The following MYCBP2 variants were observed in gnomAD, a reference collection of about 807,000 sequenced individuals.
MYCBP2 encodes the protein E3 ubiquitin-protein ligase MYCBP2.
Under a neutral mutation model 525.3 loss-of-function variants are expected in MYCBP2, and 120 were observed. The ratio of observed to expected loss-of-function variants is 0.23; its 90% CI spans 0.20 to 0.27. The LOEUF (loss-of-function observed/expected upper bound fraction) is 0.27, where lower values mean the gene tolerates loss of function less well. MYCBP2 is among the 10% of genes least tolerant of loss of function. The pLI is 1.00. For synonymous variants in MYCBP2, 1,894 were observed against 1,955.8 expected, an observed-to-expected ratio of 0.97 and a Z score of 0.83; for missense variants, 4,149 against 5,657.1, an observed-to-expected ratio of 0.73 and a Z score of 8.55.
intron 5 of MYCBP2, among the ~76,000 whole-genome samples, chr13:77,273,046 A>G (rs2075092627): frequency 6.6e-6 from 1 of 152,234 alleles, no homozygotes. Context: ...GAATCAATTC[A>G]TAAAAAAATC....
intron 63 of MYCBP2, 168 bp downstream of exon 63, chr13:77,082,864 A>G: frequency 1.9e-6 from 1 of 534,128 alleles, no homozygotes; most frequent in Non-Finnish European, 3.1e-6. Flanking sequence ...GTTAACTAAG[A>G]GGAAGGACCA....
intron 3 of MYCBP2, among the ~76,000 whole-genome samples, chr13:77,282,522 G>GT (rs1195774512): frequency 6.6e-6 from 1 of 152,046 alleles, no homozygotes; most frequent in Non-Finnish European, 1.5e-5. Flanking sequence ...ACACTCAGAG[G>GT]AAGAGAACTT....
At chr13:77,222,892 A>G (rs896156015) in intron 20 of MYCBP2, among the ~76,000 whole-genome samples, 1 of 152,308 alleles carries the variant, frequency 6.6e-6, no homozygotes, top group South Asian at 2.1e-4. Context: ...CACTGTATGT[A>G]AAGGAGAAAC....
chr13:77,231,813 TAG>T (rs2067173949), intron 18 of MYCBP2, among the ~76,000 whole-genome samples: 1 of 152,206 alleles, frequency 6.6e-6, no homozygotes. Flanking sequence ...AATTGTGACA[TAG>T]TAGAAATCAT....
chr13:77,209,787 C>T (rs1218899756), intron 23 of MYCBP2, among the ~76,000 whole-genome samples: 2 of 152,192 alleles, frequency 1.3e-5, no homozygotes, highest in African/African-American at 2.4e-5. Context: ...AGGAAGCTGG[C>T]CAGCAACCTG....
At chr13:77,311,282 C>T (rs2080170305) in intron 1 of MYCBP2, among the ~76,000 whole-genome samples, 2 of 152,182 alleles carry the variant, frequency 1.3e-5, no homozygotes, top group South Asian at 4.1e-4. Flanking sequence ...AAAAACACAA[C>T]ATCCTCCAGA....
At chr13:77,309,336 G>A (rs1423971996) in intron 1 of MYCBP2, among the ~76,000 whole-genome samples, 2 of 152,192 alleles carry the variant, frequency 1.3e-5, no homozygotes, top group African/African-American at 2.4e-5. Context: ...GTATGTTCAC[G>A]AGGAGACTTT....
chr13:77,176,535 T>C lies in MYCBP2; in HGVS notation c.5434A>G (p.Ile1812Val). Residue 1812 changes from isoleucine (I) to valine (V), a missense_variant, in exon 36 of 83, where the codon ATA (isoleucine) becomes GTA (valine). Ile to Val is a conservative substitution (Grantham distance 29, BLOSUM62 3). Transcript: ENST00000544440. ...TYTTDDSPSD[I>V]AEIRLDKVVP... ...ACTTTGTCAAGTCTGATCTCAGCTA[T>C]ATCACTGGGTGAGTCATCCGTTGTG... The C allele has an allele frequency of 6.3e-7, 1 of 1,597,154 alleles. No individual in the cohort carries two copies. Among genetic ancestry groups the C allele is most frequent in the Non-Finnish European group, 8.6e-7 (1 of 1,169,016 alleles).
rs187233774 is a variant in MYCBP2 at position 77,210,232 on chromosome 13, G to A, written c.3416+935C>T. ...TTTTTTTTTTTTGAGACAGAGTCTC[G>A]CCCAGGCTGGAGTGCAGTGGTGCGA... On this transcript the variant is annotated intron_variant, in intron 23 of 82. Coordinates refer to ENST00000544440, the MANE Select transcript of MYCBP2 (RefSeq NM_015057.5). Among the ~76,000 whole-genome samples, 796 of 140,366 alleles carry A rather than the reference G, an allele frequency of 5.7e-3. 12 individuals are homozygous for A. Among genetic ancestry groups the A allele is most frequent in the African/African-American group, 0.019 (716 of 37,432 alleles). The allele number at this position is 140,366 out of a possible 152,430, so 92.1% of individuals were successfully genotyped here. A position where few individuals can be genotyped will look rare whatever the true frequency, so the allele number is the denominator to read the frequency against.
In MYCBP2 at chr13:77,055,636, A is replaced by C. The variant is rs755579517; in HGVS notation, c.13569T>G (p.Pro4523=). 2 of 1,614,068 alleles carry C rather than the reference A, an allele frequency of 1.2e-6. No individual in the cohort carries two copies. Among genetic ancestry groups the C allele is most frequent in the South Asian group, 2.2e-5 (2 of 91,086 alleles). Residue 4523 remains proline, a synonymous_variant, in exon 80 of 83, where the codon CCT becomes CCG. Coordinates refer to ENST00000544440, the MANE Select transcript of MYCBP2 (RefSeq NM_015057.5). ...GLHKSEAITT[P]GVRFYNDPAG... ...CTGGGTCATTATAAAACCTCACACC[A>C]GGAGTTGTGATAGCTTCACTCTTAT... is the stretch of plus-strand genomic sequence containing the variant.
At chr13:77,097,235 T>C (rs964651414) in intron 56 of MYCBP2, 135 bp downstream of exon 56, 2 of 1,240,728 alleles carry the variant, frequency 1.6e-6, no homozygotes. Context: ...GTACTGATAA[T>C]GTACTTTAAA....
intron 52 of MYCBP2, among the ~76,000 whole-genome samples, chr13:77,134,437 G>C (rs2053415081): frequency 6.6e-6 from 1 of 152,122 alleles, no homozygotes; most frequent in African/African-American, 2.4e-5. Flanking sequence ...GGGAGGCTGA[G>C]ACATAAGAAT....
intron 11 of MYCBP2, 26 bp from the exon 12 acceptor site, chr13:77,261,401 T>A: frequency 6.8e-7 from 1 of 1,463,606 alleles, no homozygotes. Flanking sequence ...AAAAAAGGAA[T>A]TATGGTACTT....
chr13:77,307,778 A>G (rs2079652762), intron 1 of MYCBP2, among the ~76,000 whole-genome samples: 1 of 151,872 alleles, frequency 6.6e-6, no homozygotes, highest in African/African-American at 2.4e-5. Flanking sequence ...TATCCTTCAC[A>G]TTCTCCTACA....
chr13:77,251,100 C>T (rs1341377416), intron 15 of MYCBP2, 51 bp downstream of exon 15: 3 of 1,565,128 alleles, frequency 1.9e-6, no homozygotes, highest in Non-Finnish European at 2.6e-6. Flanking sequence ...AATGATTTTG[C>T]AAAGAAATGT....
intron 2 of MYCBP2, among the ~76,000 whole-genome samples, chr13:77,294,485 A>G (rs1463851676): frequency 6.6e-6 from 1 of 152,148 alleles, no homozygotes; most frequent in Non-Finnish European, 1.5e-5. Context: ...GAGGAAAAAA[A>G]CTGAATTACT....
chr13:77,066,234 A>G, intron 71 of MYCBP2, 146 bp from the exon 72 acceptor site: 1 of 605,370 alleles, frequency 1.7e-6, no homozygotes, highest in East Asian at 2.9e-5. Flanking sequence ...AAATTCATCA[A>G]ACCATTACCC....
At chr13:77,294,110 A>ATATG (rs2077810723) in intron 2 of MYCBP2, among the ~76,000 whole-genome samples, 1 of 51,158 alleles carries the variant, frequency 2.0e-5, no homozygotes, top group Admixed American at 3.3e-4. Context: ...ATGGCTATAT[A>ATATG]TATATATATA....
At chr13:77,186,246 C>T (rs1007639169) in intron 30 of MYCBP2, among the ~76,000 whole-genome samples, 183 bp from the exon 31 acceptor site, 1 of 152,114 alleles carries the variant, frequency 6.6e-6, no homozygotes, top group Non-Finnish European at 1.5e-5. Flanking sequence ...AAATTACCCT[C>T]AACAGTAACT....
Sources: gnomAD v4.1 joint callset for allele counts (sites outside exome capture counted in the v4.1 genomes callset) on GRCh38, gnomAD v4.1.1 for gene constraint, MANE v1.5 for transcripts, NCBI Gene and HGNC (gene_info 2026-07-23, HGNC 2026-07-21) for gene names.